Variants in SWT1 observed in about 807,000 individuals in gnomAD.
The protein encoded by SWT1 is SWT1 RNA endoribonuclease homolog, also known as transcriptional protein SWT1.
Under a neutral mutation model 107.3 loss-of-function variants are expected in SWT1, and 33 were observed. The ratio of observed to expected loss-of-function variants is 0.31; its 90% CI spans 0.23 to 0.41. The LOEUF is 0.41. Ranked by LOEUF, SWT1 falls within the 10% of genes least tolerant of loss-of-function variation. SWT1 has a pLI of 1.00. For synonymous variants in SWT1, 345 were observed against 348.3 expected (o/e 0.99, Z 0.11); for missense variants, 898 against 1,028.9 (o/e 0.87, Z 1.74).
At chr1:185,248,642 C>T (rs931054798) in intron 16 of SWT1, among the ~76,000 whole-genome samples, 21 of 152,020 alleles carry the variant, frequency 1.4e-4, no homozygotes, top group Non-Finnish European at 5.9e-5. Context: ...TATCTGTCTA[C>T]CATCAATGGA....
chr1:185,225,768 A>G (rs555726067), intron 15 of SWT1, among the ~76,000 whole-genome samples: 2 of 152,300 alleles, frequency 1.3e-5, no homozygotes, highest in Non-Finnish European at 2.9e-5. Flanking sequence ...CCAGCAGTGC[A>G]TTTCTTAGAA....
chr1:185,209,649 A>G (rs568236222), intron 13 of SWT1, among the ~76,000 whole-genome samples: 1 of 152,308 alleles, frequency 6.6e-6, no homozygotes, highest in African/African-American at 2.4e-5. Context: ...GTTGGTTCCA[A>G]GTCTTTGCTA....
intron 16 of SWT1, among the ~76,000 whole-genome samples, chr1:185,265,845 TAA>T (rs912309744): frequency 1.3e-5 from 2 of 152,164 alleles, no homozygotes; most frequent in African/African-American, 4.8e-5. Context: ...ATAGAGAATA[TAA>T]AAGTGAATTT....
At chr1:185,176,870 G>C (rs943170979) in intron 5 of SWT1, 18 of 398,728 alleles carry the variant, frequency 4.5e-5, no homozygotes, top group Non-Finnish European at 2.7e-5. Flanking sequence ...TGTAGTCCCA[G>C]CTACTTGGGA....
intron 4 of SWT1, among the ~76,000 whole-genome samples, chr1:185,170,534 G>A (rs1467087885): frequency 1.3e-5 from 2 of 152,200 alleles, no homozygotes; most frequent in Non-Finnish European, 2.9e-5. Flanking sequence ...AGCCTCCAGA[G>A]CTCTCGGCAC....
chr1:185,278,706 T>G (rs150649597), intron 18 of SWT1, among the ~76,000 whole-genome samples: 203 of 152,332 alleles, frequency 1.3e-3, no homozygotes, highest in African/African-American at 4.5e-3. Context: ...CACTGCATTG[T>G]ATAGTCATGC....
In SWT1 at chr1:185,276,667, A is replaced by G; in HGVS notation, c.2572A>G (p.Arg858Gly). 1 of 1,555,874 alleles carries G rather than the reference A, an allele frequency of 6.4e-7. No individual in the cohort carries two copies. Among genetic ancestry groups the G allele is most frequent in the South Asian group, 1.1e-5 (1 of 87,028 alleles). The change falls in exon 18 of 19, where the codon AGG becomes GGG. Residue 858 changes from arginine to glycine, a missense_variant and splice_region_variant. Arg to Gly is a moderately radical substitution (Grantham distance 125). This residue lies in a region of SWT1 where 382 missense variants were observed against 460.0 expected (regional missense o/e 0.83). Coordinates refer to ENST00000367500, the MANE Select transcript of SWT1 (RefSeq NM_017673.7). The part of the protein sequence containing the change: ...IYDCVSQTEY[R>G]EKLTIGCRQL... Reference sequence around the variant, plus strand: ...TGATTGTGTTTCTCAGACTGAGTATAGGTAAGTCATATCTATATATAGATA... The same window carrying G: ...TGATTGTGTTTCTCAGACTGAGTATGGGTAAGTCATATCTATATATAGATA...
chr1:185,275,414 T>G (rs996579889), intron 17 of SWT1, among the ~76,000 whole-genome samples: 1 of 149,312 alleles, frequency 6.7e-6, no homozygotes, highest in Non-Finnish European at 1.5e-5. Flanking sequence ...ACCAATTTCA[T>G]ATAATCATTA....
At chr1:185,187,052 G>GC (rs1446060251) in intron 9 of SWT1, among the ~76,000 whole-genome samples, 2 of 55,530 alleles carry the variant, frequency 3.6e-5, no homozygotes, top group Non-Finnish European at 6.3e-5. Flanking sequence ...ACCGCGCCCA[G>GC]CTTTTTTTTT....
chr1:185,175,202 GTTTTT>G, intron 5 of SWT1, 89 bp downstream of exon 5: 3 of 722,730 alleles, frequency 4.2e-6, no homozygotes, highest in South Asian at 4.3e-5. Context: ...ATTTTTTTCT[GTTTTT>G]TTTTTTTTTT....
intron 10 of SWT1, among the ~76,000 whole-genome samples, chr1:185,201,946 A>AT (rs149794407): frequency 2.4e-4 from 36 of 149,462 alleles, no homozygotes; most frequent in South Asian, 1.3e-3. Context: ...TAGTTAATAT[A>AT]TTTTTTTTTT....
chr1:185,280,634 A>C (rs999580946), intron 18 of SWT1, among the ~76,000 whole-genome samples: 1 of 152,112 alleles, frequency 6.6e-6, no homozygotes. Context: ...TCTACCCCCT[A>C]TCCTCTCAGA....
At chr1:185,181,824 TTTA>T in intron 6 of SWT1, 119 bp from the exon 7 acceptor site, 3 of 969,036 alleles carry the variant, frequency 3.1e-6, no homozygotes, top group Non-Finnish European at 4.5e-6. Flanking sequence ...CCTTCAGAGT[TTTA>T]TAAAATTTTT....
At chr1:185,227,715 A>C (rs1406148824) in intron 15 of SWT1, 1 of 513,496 alleles carries the variant, frequency 1.9e-6, no homozygotes, top group Non-Finnish European at 3.7e-6. Context: ...CAGAACAGAG[A>C]CCTGCGTCTG....
intron 4 of SWT1, among the ~76,000 whole-genome samples, chr1:185,168,676 G>T (rs1352128254): frequency 1.3e-5 from 2 of 152,120 alleles, no homozygotes; most frequent in Admixed American, 1.3e-4. Context: ...TGTAACATGC[G>T]TAACTTCATT....
chr1:185,180,426 A>G lies in SWT1; in HGVS notation c.1002A>G (p.Glu334=), dbSNP rs1195791328. 7 of 1,613,382 alleles carry G rather than the reference A, an allele frequency of 4.3e-6. No individual in the cohort carries two copies. Among genetic ancestry groups the G allele is most frequent in the Non-Finnish European group, 5.9e-6 (7 of 1,179,358 alleles). ...CACCATGTTGTTCCGTGTCATCTGA[A>G]AGTATCCAGGATGCAGATCAAGAGG... ...FEAPCCSVSS[E]SIQDADQEMQ... The change falls in exon 6 of 19, where the codon GAA becomes GAG. Residue 334 remains glutamate (E), a synonymous_variant. Coordinates refer to ENST00000367500, the MANE Select transcript of SWT1 (RefSeq NM_017673.7).
chr1:185,278,149 A>G (rs938496347), intron 18 of SWT1, among the ~76,000 whole-genome samples: 2 of 152,122 alleles, frequency 1.3e-5, no homozygotes, highest in African/African-American at 4.8e-5. Context: ...TCTTACATAC[A>G]CAGGGTATAG....
chr1:185,173,693 G>A (rs1655294762), intron 4 of SWT1, among the ~76,000 whole-genome samples: 1 of 151,856 alleles, frequency 6.6e-6, no homozygotes, highest in Non-Finnish European at 1.5e-5. Context: ...TGGTGACAAA[G>A]TGAGGCGCTG....
intron 18 of SWT1, among the ~76,000 whole-genome samples, chr1:185,288,513 C>T (rs1665076156): frequency 6.6e-6 from 1 of 152,096 alleles, no homozygotes; most frequent in Admixed American, 6.5e-5. Context: ...ATTGTCCCCT[C>T]AGTTCTTCTT....
Sources: gnomAD v4.1 joint callset for allele counts (sites outside exome capture counted in the v4.1 genomes callset) on GRCh38, gnomAD v4.1.1 for gene constraint, gnomAD v4.1.1 regional missense constraint, MANE v1.5 for transcripts, NCBI Gene and HGNC (gene_info 2026-07-23, HGNC 2026-07-21) for gene names.